The following TEKT3 variants were observed in gnomAD, a reference collection of about 807,000 sequenced individuals.
TEKT3 encodes the protein tektin 3.
TEKT3 carries 49 observed loss-of-function variants against 49.8 expected under a neutral mutation model. The ratio of observed to expected loss-of-function variants is 0.98; its 90% CI spans 0.78 to 1.25. TEKT3 has a LOEUF of 1.25. TEKT3 is among the 50% of genes most tolerant of loss of function. TEKT3 has a pLI of 0.00. For synonymous variants in TEKT3, 225 were observed against 237.2 expected (o/e 0.95, Z 0.47); for missense variants, 595 against 629.5 (o/e 0.95, Z 0.59).
At position 15,304,264 on chromosome 17, in the gene TEKT3, T is replaced by A; in HGVS notation, c.1257-112A>T. 1.9e-6 allele frequency: 2 copies of A among 1,032,748 alleles called. No homozygotes were observed. Among genetic ancestry groups the A allele is most frequent in the Non-Finnish European group, 2.8e-6 (2 of 702,844 alleles). 64.0% of individuals were successfully genotyped at this position (1,032,748 alleles called of 1,614,324 possible). A position where few individuals can be genotyped will look rare whatever the true frequency, so the allele number is the denominator to read the frequency against. ...CTCACATTTTCTTTACTTTAGGATA[T>A]ATTTATCAGCAAATGAGAGGTGCAT... On this transcript the variant is annotated intron_variant, in intron 8 of 8. Transcript: ENST00000395930. This position sits in a 1 kb window ranked among gnomAD's most constrained non-coding sequence, Gnocchi z 4.7.
chr17:15,329,314 GT>G (rs1307311178), intron 3 of TEKT3, among the ~76,000 whole-genome samples: 3 of 152,116 alleles, frequency 2.0e-5, no homozygotes, highest in Non-Finnish European at 4.4e-5. Flanking sequence ...CTCTAATACT[GT>G]GTTGACAATA....
intron 5 of TEKT3, 89 bp downstream of exon 5, chr17:15,318,988 T>G: frequency 9.3e-7 from 1 of 1,072,634 alleles, no homozygotes; most frequent in Admixed American, 2.3e-5. Context: ...TGTGTGTCCT[T>G]ATAAGAAATT....
chr17:15,331,014 G>A lies in TEKT3; in HGVS notation c.572C>T (p.Pro191Leu), dbSNP rs767829133. The A allele has an allele frequency of 1.6e-5, 26 of 1,608,268 alleles. No homozygotes were observed. Among genetic ancestry groups the A allele is most frequent in the African/African-American group, 1.2e-4 (9 of 74,632 alleles). ...LERALMETEAPLQVARECLFH... is the reference protein window; with the variant it reads ...LERALMETEALLQVARECLFH... The stretch of plus-strand genomic sequence containing the variant: ...TCTATCATAAGGTCTTACCTGAAGA[G>A]GGGCTTCAGTCTCCATCAAAGCCCG... Residue 191 changes from proline to leucine, a missense_variant, in exon 3 of 9, where the codon CCT (proline) becomes CTT (leucine). Coordinates refer to ENST00000395930, the MANE Select transcript of TEKT3 (RefSeq NM_031898.3).
chr17:15,332,708 A>G (rs1911817706), intron 2 of TEKT3, among the ~76,000 whole-genome samples: 1 of 152,218 alleles, frequency 6.6e-6, no homozygotes, highest in Non-Finnish European at 1.5e-5. Flanking sequence ...AATGCTATGT[A>G]TTTAGAAGGA....
At chr17:15,314,607 C>CTTCCTT (rs796315569) in intron 5 of TEKT3, among the ~76,000 whole-genome samples, 7 of 152,296 alleles carry the variant, frequency 4.6e-5, no homozygotes, top group Admixed American at 1.3e-4. Flanking sequence ...CCTTCCATTC[C>CTTCCTT]TTCCTTTTCC....
chr17:15,333,384 G>GA (rs1281580360), intron 2 of TEKT3, among the ~76,000 whole-genome samples: 2 of 152,144 alleles, frequency 1.3e-5, no homozygotes, highest in Non-Finnish European at 2.9e-5. Flanking sequence ...AATCCACACA[G>GA]ATCACATGAT....
intron 4 of TEKT3, among the ~76,000 whole-genome samples, chr17:15,324,685 T>A (rs1911414106): frequency 6.6e-6 from 1 of 152,136 alleles, no homozygotes; most frequent in Non-Finnish European, 1.5e-5. Context: ...TTGGGTTGAT[T>A]TTTTTTAATT....
upstream of TEKT3, among the ~76,000 whole-genome samples, chr17:15,343,013 C>G (rs1912280994): frequency 6.6e-6 from 1 of 152,220 alleles, no homozygotes; most frequent in Non-Finnish European, 1.5e-5. Flanking sequence ...TTTGCAGATG[C>G]CTAGAATCCG....
rs189424072 is a variant in TEKT3 at position 15,331,730 on chromosome 17, G to C, written c.-29-116C>G. The C allele has an allele frequency of 4.7e-4, 342 of 733,686 alleles. 2 individuals carry two copies. In the East Asian group the frequency reaches 8.8e-3, roughly 19 times the overall value. The allele number at this position is 733,686 out of a possible 1,614,324, so 45.4% of individuals were successfully genotyped here. A position where few individuals can be genotyped will look rare whatever the true frequency, so the allele number is the denominator to read the frequency against. On this transcript the variant is annotated intron_variant, in intron 2 of 8. Coordinates refer to ENST00000395930, the MANE Select transcript of TEKT3 (RefSeq NM_031898.3). ...AGTTGCAGAGGCCCCGAACACATTA[G>C]ATGCTTGTTCTCATTTGTTATCCAC...
At chr17:15,326,206 T>C (rs1327109938) in intron 4 of TEKT3, among the ~76,000 whole-genome samples, 1 of 152,218 alleles carries the variant, frequency 6.6e-6, no homozygotes, top group African/African-American at 2.4e-5. Flanking sequence ...ACTCGGCTGC[T>C]ACCTTGTCAT....
intron 4 of TEKT3, among the ~76,000 whole-genome samples, chr17:15,320,831 C>G (rs746428978): frequency 2.6e-5 from 4 of 152,036 alleles, no homozygotes; most frequent in Non-Finnish European, 5.9e-5. Context: ...CCTGTGTGTA[C>G]TTTGATGAAA....
chr17:15,310,514 G>A (rs1910723764), intron 7 of TEKT3, among the ~76,000 whole-genome samples: 1 of 152,134 alleles, frequency 6.6e-6, no homozygotes, highest in Admixed American at 6.5e-5. Flanking sequence ...CACACACAGA[G>A]GGAAAATGAT....
In TEKT3 at chr17:15,312,464, G is replaced by A; in HGVS notation, c.896C>T (p.Ser299Phe). ...RVDATVSVPE[S>F]WAKFTDDNIL... ...ATTGTCATCTGTAAATTTGGCCCAG[G>A]ACTCAGGCACTGAGACACTGAAAAA... Residue 299 changes from serine (S) to phenylalanine (F), a missense_variant, in exon 7 of 9, where the codon TCC becomes TTC. Coordinates refer to ENST00000395930, the MANE Select transcript of TEKT3 (RefSeq NM_031898.3). 1 of 1,614,094 alleles carries A rather than the reference G, an allele frequency of 6.2e-7. No individual in the cohort carries two copies. Among genetic ancestry groups the A allele is most frequent in the Non-Finnish European group, 8.5e-7 (1 of 1,180,030 alleles).
intron 5 of TEKT3, among the ~76,000 whole-genome samples, chr17:15,318,751 G>A (rs1911126065): frequency 6.6e-6 from 1 of 152,098 alleles, no homozygotes; most frequent in Non-Finnish European, 1.5e-5. Flanking sequence ...CATTGCCCAG[G>A]CTGGCCTTGA....
Position 15,314,118 on chromosome 17 carries a change from A to G in TEKT3, c.847T>C (p.Tyr283His), listed in dbSNP as rs146899608. 7 of 1,614,088 alleles carry G rather than the reference A, an allele frequency of 4.3e-6. No individual in the cohort carries two copies. The Admixed American group carries it at 5.0e-5, about 12-fold the overall frequency. Residue 283 changes from tyrosine (Y) to histidine (H), a missense_variant, in exon 6 of 9, where the codon TAC becomes CAC. By Grantham distance (83) the Tyr-to-His change is moderately conservative. Coordinates refer to ENST00000395930, the MANE Select transcript of TEKT3 (RefSeq NM_031898.3). ...HLRNTSDGVG[Y>H]FRGVERVDAT... Reference sequence around the variant, plus strand: ...TCGACCCTCTCCACTCCGCGGAAGTAGCCGACACCGTCTGATGTGTTGCGC... The same window carrying G: ...TCGACCCTCTCCACTCCGCGGAAGTGGCCGACACCGTCTGATGTGTTGCGC...
intron 2 of TEKT3, among the ~76,000 whole-genome samples, chr17:15,335,862 A>G (rs1207795918): frequency 6.6e-6 from 1 of 152,208 alleles, no homozygotes; most frequent in Non-Finnish European, 1.5e-5. Context: ...CAACTTCACT[A>G]CATGAGATTA....
intron 4 of TEKT3, among the ~76,000 whole-genome samples, chr17:15,320,626 AC>A (rs1488235355): frequency 6.6e-6 from 1 of 152,126 alleles, no homozygotes; most frequent in Non-Finnish European, 1.5e-5. Flanking sequence ...TAGAGTGATC[AC>A]CCTACTGTCT....
intron 5 of TEKT3, among the ~76,000 whole-genome samples, chr17:15,315,327 T>A (rs541814908): frequency 1.3e-5 from 2 of 152,286 alleles, no homozygotes; most frequent in South Asian, 4.1e-4. Flanking sequence ...CTAATGGACA[T>A]GGGAATGAAT....
chr17:15,313,120 A>G (rs1281140911), intron 6 of TEKT3, among the ~76,000 whole-genome samples: 5 of 152,234 alleles, frequency 3.3e-5, no homozygotes, highest in African/African-American at 1.2e-4. Flanking sequence ...TGATCCCTGA[A>G]AAATGAGAAA....
Sources: gnomAD v4.1 joint callset for allele counts (sites outside exome capture counted in the v4.1 genomes callset) on GRCh38, gnomAD v4.1.1 for gene constraint, Gnocchi (gnomAD v3.1) non-coding constraint, MANE v1.5 for transcripts, NCBI Gene and HGNC (gene_info 2026-07-23, HGNC 2026-07-21) for gene names.